The following CNTNAP2 variants were observed in gnomAD, a reference collection of about 807,000 sequenced individuals.
The protein encoded by CNTNAP2 is contactin-associated protein-like 2.
Under a neutral mutation model 155.2 loss-of-function variants are expected in CNTNAP2, and 98 were observed. That is an observed-to-expected ratio of 0.63 (90% confidence interval 0.54 to 0.75). CNTNAP2 has a LOEUF of 0.75. Ranked by LOEUF, CNTNAP2 falls within the 30% of genes least tolerant of loss-of-function variation. The pLI, the probability that CNTNAP2 is intolerant of heterozygous loss-of-function variation, is 0.00. For missense variants in CNTNAP2, 1,727 were observed against 1,688.1 expected (o/e 1.02, Z -0.40); for synonymous variants, 651 against 631.2 (o/e 1.03, Z -0.47).
intron 18 of CNTNAP2, among the ~76,000 whole-genome samples, chr7:148,203,717 T>C (rs767953302): frequency 1.3e-4 from 19 of 151,972 alleles, no homozygotes; most frequent in Admixed American, 3.9e-4. Context: ...CCAGCCTGGG[T>C]GGCCCAGCGA....
chr7:146,244,730 A>T (rs909324515), intron 1 of CNTNAP2, among the ~76,000 whole-genome samples: 2 of 152,124 alleles, frequency 1.3e-5, no homozygotes, highest in Non-Finnish European at 2.9e-5. Context: ...GACTGTATAG[A>T]GGTGGGAAGG....
At position 147,317,742 on chromosome 7, in the gene CNTNAP2, G is replaced by A. The variant is rs150286937; in HGVS notation, c.1498+17452G>A. On this transcript the variant is annotated intron_variant, in intron 9 of 23. Transcript: ENST00000361727. ...TTTAATGTCTGCCTACCTCACTGTC[G>A]CTTAAACTTCAAAAAAAGGATATAT... is the stretch of plus-strand genomic sequence containing the variant. Among the ~76,000 whole-genome samples the A allele has an allele frequency of 7.6e-3, 1,150 of 150,700 alleles. 22 individuals carry two copies. Among genetic ancestry groups the A allele is most frequent in the African/African-American group, 0.026 (1,080 of 40,966 alleles).
intron 21 of CNTNAP2, among the ~76,000 whole-genome samples, chr7:148,344,630 AAT>A (rs1439864333): frequency 1.3e-5 from 2 of 152,146 alleles, no homozygotes; most frequent in African/African-American, 4.8e-5. Context: ...CCGTCCATTC[AAT>A]ATGTCTATCA....
intron 3 of CNTNAP2, among the ~76,000 whole-genome samples, chr7:146,992,265 G>GCTAA (rs931189022): frequency 6.0e-4 from 92 of 152,232 alleles, no homozygotes; most frequent in African/African-American, 2.1e-3. Flanking sequence ...CTTCCCATGA[G>GCTAA]CGTTAGTAAA....
At chr7:147,407,065 C>T (rs547476653) in intron 10 of CNTNAP2, among the ~76,000 whole-genome samples, 5 of 152,274 alleles carry the variant, frequency 3.3e-5, no homozygotes, top group African/African-American at 4.8e-5. Context: ...GAAGACCCCC[C>T]CCTCTGGGAA....
At chr7:146,952,778 A>C (rs2129228361) in intron 3 of CNTNAP2, among the ~76,000 whole-genome samples, 1 of 152,254 alleles carries the variant, frequency 6.6e-6, no homozygotes, top group African/African-American at 2.4e-5. Context: ...GAAATAAGAA[A>C]GGACTTTTCT....
intron 13 of CNTNAP2, among the ~76,000 whole-genome samples, chr7:147,730,390 G>A (rs1272807884): frequency 6.6e-6 from 1 of 152,018 alleles, no homozygotes; most frequent in African/African-American, 2.4e-5. Context: ...TCATACCTCA[G>A]TGTCACATTT....
At chr7:147,402,807 C>T (rs1796939348) in intron 10 of CNTNAP2, among the ~76,000 whole-genome samples, 1 of 152,140 alleles carries the variant, frequency 6.6e-6, no homozygotes, top group African/African-American at 2.4e-5. Flanking sequence ...GCCACTCAGG[C>T]TGACATGAGG....
chr7:147,584,213 C>T lies in CNTNAP2; in HGVS notation c.1897+21956C>T, dbSNP rs543101748. Among the ~76,000 whole-genome samples the T allele has an allele frequency of 9.5e-4, 145 of 152,286 alleles. 3 individuals carry two copies. The South Asian group carries it at 0.029, about 30-fold the overall frequency. Reference sequence around the variant, plus strand: ...TAATTTTTAAAAGATTAGAAGAGCTCTTTTGAGATGCTTCATTTTCTCTTT... The same window carrying T: ...TAATTTTTAAAAGATTAGAAGAGCTTTTTTGAGATGCTTCATTTTCTCTTT... On this transcript the variant is annotated intron_variant, in intron 12 of 23. Transcript: ENST00000361727.
intron 20 of CNTNAP2, among the ~76,000 whole-genome samples, chr7:148,248,597 T>C (rs1458195607): frequency 6.6e-6 from 1 of 152,232 alleles, no homozygotes; most frequent in Admixed American, 6.5e-5. Flanking sequence ...GTTGTTTTTT[T>C]AATTGCTGGG....
chr7:147,500,917 G>T (rs1798798857), intron 11 of CNTNAP2, among the ~76,000 whole-genome samples: 2 of 152,004 alleles, frequency 1.3e-5, no homozygotes, highest in Non-Finnish European at 2.9e-5. Context: ...ACTGAATCCA[G>T]ACTAGGAGAC....
At chr7:146,791,809 A>G (rs1471518249) in intron 2 of CNTNAP2, among the ~76,000 whole-genome samples, 1 of 152,252 alleles carries the variant, frequency 6.6e-6, no homozygotes, top group Non-Finnish European at 1.5e-5. Flanking sequence ...TGGAATGCCA[A>G]CAATTTAAAT....
At chr7:146,927,323 T>C (rs1390081849) in intron 3 of CNTNAP2, among the ~76,000 whole-genome samples, 1 of 152,136 alleles carries the variant, frequency 6.6e-6, no homozygotes, top group Admixed American at 6.6e-5. Context: ...CTGAAAGAGG[T>C]TGGTTTTGCT....
chr7:148,338,184 A>T (rs1798155215), intron 21 of CNTNAP2, among the ~76,000 whole-genome samples: 1 of 152,228 alleles, frequency 6.6e-6, no homozygotes, highest in Non-Finnish European at 1.5e-5. Context: ...AAATGGAGAC[A>T]TACAATATGC....
chr7:146,371,710 G>C (rs547390092), intron 1 of CNTNAP2, among the ~76,000 whole-genome samples: 13 of 151,780 alleles, frequency 8.6e-5, no homozygotes, highest in African/African-American at 2.7e-4. Context: ...GCAGCACTGT[G>C]GTAGGCCGAG....
At chr7:147,985,290 G>A (rs1801598996) in intron 15 of CNTNAP2, among the ~76,000 whole-genome samples, 1 of 151,582 alleles carries the variant, frequency 6.6e-6, no homozygotes, top group Non-Finnish European at 1.5e-5. Context: ...GGGGGTGGGG[G>A]GTGGGGAGTG....
chr7:147,871,680 C>CT (rs1335297991), intron 13 of CNTNAP2, among the ~76,000 whole-genome samples: 7 of 150,372 alleles, frequency 4.7e-5, no homozygotes, highest in Admixed American at 2.6e-4. Flanking sequence ...TTTTTTGCCC[C>CT]TTTTTTTAAC....
At chr7:148,154,193 A>T (rs1805358663) in intron 17 of CNTNAP2, among the ~76,000 whole-genome samples, 1 of 152,228 alleles carries the variant, frequency 6.6e-6, no homozygotes, top group Non-Finnish European at 1.5e-5. Flanking sequence ...AGAAAGCCTG[A>T]CTGAGACTCA....
chr7:147,867,073 G>C (rs1799242687), intron 13 of CNTNAP2, among the ~76,000 whole-genome samples: 1 of 152,184 alleles, frequency 6.6e-6, no homozygotes, highest in African/African-American at 2.4e-5. Flanking sequence ...GCATGTTTTT[G>C]TAGTGGATGA....
Sources: gnomAD v4.1 joint callset for allele counts (sites outside exome capture counted in the v4.1 genomes callset) on GRCh38, gnomAD v4.1.1 for gene constraint, MANE v1.5 for transcripts, NCBI Gene and HGNC (gene_info 2026-07-23, HGNC 2026-07-21) for gene names.